Variants in VPS54 observed in about 807,000 individuals in gnomAD.
VPS54 encodes the protein vacuolar protein sorting-associated protein 54.
Under a neutral mutation model 121.5 loss-of-function variants are expected in VPS54, and 45 were observed. The observed-to-expected ratio is 0.37, with a 90% confidence interval of 0.29 to 0.47. VPS54 has a LOEUF of 0.47. Among genes scored for constraint, VPS54 ranks in the 20% least tolerant of loss-of-function variants. The probability of loss-of-function intolerance (pLI) is 0.99; values close to 1 mark genes in which losing one functional copy is unlikely to be tolerated. For missense variants in VPS54, 1,090 were observed against 1,131.4 expected (o/e 0.96, Z 0.52); for synonymous variants, 371 against 385.8 (o/e 0.96, Z 0.45).
At chr2:64,013,741 A>G (rs1407709343) in intron 1 of VPS54, among the ~76,000 whole-genome samples, 3 of 149,092 alleles carry the variant, frequency 2.0e-5, no homozygotes, top group East Asian at 3.9e-4. Flanking sequence ...TATATCATAT[A>G]TAATACCAAT....
chr2:63,943,284 T>C (rs959298687), intron 10 of VPS54, among the ~76,000 whole-genome samples: 1 of 152,174 alleles, frequency 6.6e-6, no homozygotes, highest in Non-Finnish European at 1.5e-5. Flanking sequence ...AAATGACTTA[T>C]TACTCTAAAT....
intron 11 of VPS54, among the ~76,000 whole-genome samples, chr2:63,942,029 C>CT (rs1674761073): frequency 8.9e-6 from 1 of 112,018 alleles, no homozygotes; most frequent in Non-Finnish European, 1.8e-5. Flanking sequence ...AAGACTCCAC[C>CT]TCAAAAAAAA....
intron 22 of VPS54, among the ~76,000 whole-genome samples, chr2:63,894,782 A>G (rs1672375325): frequency 6.6e-6 from 1 of 152,238 alleles, no homozygotes; most frequent in African/African-American, 2.4e-5. Flanking sequence ...ACATAGATAA[A>G]TCAGTAAAAA....
chr2:63,943,068 A>T (rs1479558897), intron 10 of VPS54, among the ~76,000 whole-genome samples: 2 of 152,190 alleles, frequency 1.3e-5, no homozygotes, highest in African/African-American at 4.8e-5. Flanking sequence ...CTCATCTAAC[A>T]TGAGGAAACT....
In VPS54 at chr2:63,933,788, G is replaced by C. The variant is rs1404991676; in HGVS notation, c.1624C>G (p.Pro542Ala). The C allele has an allele frequency of 6.2e-7, 1 of 1,613,726 alleles. No homozygotes were observed. Among genetic ancestry groups the C allele is most frequent in the Non-Finnish European group, 8.5e-7 (1 of 1,179,864 alleles). The change falls in exon 12 of 23, where the codon CCA (proline) becomes GCA (alanine). Residue 542 changes from proline to alanine, a missense_variant. By Grantham distance (27) the Pro-to-Ala change is conservative. This residue lies in a region of VPS54 where 801 missense variants were observed against 757.0 expected (regional missense o/e 1.06). Transcript: ENST00000272322. ...TCACTGCTGCAGGGCTCACTATTTG[G>C]AGATGCATTTCTTTGAGAGGTAGTG... ...VDTTSQRNAS[P>A]NSEPCSSDSV...
chr2:64,004,323 A>C (rs1028571153), intron 1 of VPS54, among the ~76,000 whole-genome samples: 18 of 152,188 alleles, frequency 1.2e-4, no homozygotes, highest in African/African-American at 4.3e-4. Flanking sequence ...GGCAAAAATC[A>C]CCAAAGTATG....
chr2:63,928,256 C>T (rs1674009124), intron 12 of VPS54, among the ~76,000 whole-genome samples: 1 of 152,118 alleles, frequency 6.6e-6, no homozygotes, highest in Admixed American at 6.6e-5. Context: ...TTAAGGGCAG[C>T]CAGAGAGAAA....
chr2:63,950,188 A>G (rs1675173323), intron 7 of VPS54, among the ~76,000 whole-genome samples: 3 of 152,226 alleles, frequency 2.0e-5, no homozygotes, highest in Admixed American at 2.0e-4. Flanking sequence ...TTTCTCTAAC[A>G]GGAATTTATT....
intron 20 of VPS54, among the ~76,000 whole-genome samples, chr2:63,907,000 A>C (rs561307550): frequency 6.6e-6 from 1 of 152,350 alleles, no homozygotes; most frequent in South Asian, 2.1e-4. Flanking sequence ...AACAGAATAT[A>C]ATCTCAAAAC....
chr2:64,003,320 A>G (rs1466286261), intron 1 of VPS54, among the ~76,000 whole-genome samples: 6 of 152,260 alleles, frequency 3.9e-5, no homozygotes, highest in Non-Finnish European at 8.8e-5. Context: ...ATGAGAATCT[A>G]TAAATAGCTC....
intron 7 of VPS54, among the ~76,000 whole-genome samples, chr2:63,960,157 T>A (rs1040042833): frequency 7.7e-6 from 1 of 129,340 alleles, no homozygotes; most frequent in African/African-American, 3.0e-5. Flanking sequence ...AGCAGGGGAC[T>A]GGGGGTGGGG....
intron 1 of VPS54, among the ~76,000 whole-genome samples, chr2:64,005,171 T>A (rs1678076409): frequency 8.0e-6 from 1 of 124,664 alleles, no homozygotes; most frequent in Admixed American, 9.7e-5. Flanking sequence ...TGGCACAATC[T>A]CGGCTCACTG....
intron 12 of VPS54, among the ~76,000 whole-genome samples, chr2:63,931,233 C>G (rs901240089): frequency 1.3e-5 from 2 of 152,182 alleles, no homozygotes; most frequent in African/African-American, 4.8e-5. Flanking sequence ...CTGGAGGCAT[C>G]ATGCTACCTG....
intron 3 of VPS54, among the ~76,000 whole-genome samples, chr2:63,976,270 C>G (rs994489144): frequency 6.7e-6 from 1 of 148,632 alleles, no homozygotes; most frequent in South Asian, 2.1e-4. Flanking sequence ...GAGGATTGCT[C>G]GAGCCGGGAG....
Position 63,913,987 on chromosome 2 carries a change from C to G in VPS54, c.2334+195G>C, listed in dbSNP as rs532195040. ...AACAACTCTATGGGTGAATGAGGAT[C>G]ACTAACTGTGGAGTAAGAAGGAAGC... On this transcript the variant is annotated intron_variant, in intron 17 of 22. Coordinates refer to ENST00000272322, the MANE Select transcript of VPS54 (RefSeq NM_016516.3). 1.3e-5 allele frequency: 17 copies of G among 1,261,928 alleles called. No individual in the cohort carries two copies. The African/African-American group carries it at 2.4e-4, about 18-fold the overall frequency. 78.2% of individuals were successfully genotyped at this position (1,261,928 alleles called of 1,614,324 possible). A position where few individuals can be genotyped will look rare whatever the true frequency, so the allele number is the denominator to read the frequency against.
chr2:63,987,995 A>G (rs1183507966), intron 1 of VPS54, among the ~76,000 whole-genome samples: 1 of 152,136 alleles, frequency 6.6e-6, no homozygotes, highest in East Asian at 1.9e-4. Flanking sequence ...TTCCTTTCCA[A>G]TTTGGATGCT....
chr2:64,007,401 A>G (rs951243300), intron 1 of VPS54, among the ~76,000 whole-genome samples: 7 of 152,314 alleles, frequency 4.6e-5, no homozygotes, highest in African/African-American at 1.7e-4. Context: ...TAAAAATTAC[A>G]ATTTTTGAGT....
At chr2:63,987,912 A>AT (rs1677129541) in intron 1 of VPS54, among the ~76,000 whole-genome samples, 1 of 152,160 alleles carries the variant, frequency 6.6e-6, no homozygotes, top group Admixed American at 6.5e-5. Context: ...ACTTCTAATC[A>AT]TTTTTTGATG....
intron 6 of VPS54, among the ~76,000 whole-genome samples, chr2:63,963,507 AG>A (rs1404106264): frequency 6.6e-6 from 1 of 152,122 alleles, no homozygotes; most frequent in Admixed American, 6.5e-5. Context: ...ATAGTTTCAA[AG>A]GGTTAATGAA....
Sources: gnomAD v4.1 joint callset for allele counts (sites outside exome capture counted in the v4.1 genomes callset) on GRCh38, gnomAD v4.1.1 for gene constraint, gnomAD v4.1.1 regional missense constraint, MANE v1.5 for transcripts, NCBI Gene and HGNC (gene_info 2026-07-23, HGNC 2026-07-21) for gene names.